AGBL4: variants seen among roughly 807,000 people sequenced by gnomAD.
AGBL4 encodes the protein AGBL carboxypeptidase 4.
Under a neutral mutation model 66.4 loss-of-function variants are expected in AGBL4, and 58 were observed. The ratio of observed to expected loss-of-function variants is 0.87; its 90% CI spans 0.71 to 1.09. The LOEUF (loss-of-function observed/expected upper bound fraction) is 1.09. AGBL4 is among the 50% of genes least tolerant of loss of function. AGBL4 has a pLI of 0.00. For missense variants in AGBL4, 579 were observed against 631.0 expected (o/e 0.92, Z 0.88); for synonymous variants, 234 against 222.9 (o/e 1.05, Z -0.44).
intron 6 of AGBL4, among the ~76,000 whole-genome samples, chr1:48,718,986 G>GT (rs1273126712): frequency 6.6e-6 from 1 of 152,172 alleles, no homozygotes; most frequent in African/African-American, 2.4e-5. Flanking sequence ...TGTACTGAAC[G>GT]TAATACATCA....
intron 3 of AGBL4, among the ~76,000 whole-genome samples, chr1:49,487,163 TA>T (rs1221047188): frequency 2.6e-5 from 4 of 152,014 alleles, no homozygotes; most frequent in Non-Finnish European, 4.4e-5. Flanking sequence ...CTCATTATGC[TA>T]TTGAGTTTTA....
At chr1:49,697,500 C>T in intron 2 of AGBL4, 63 bp from the exon 3 acceptor site, 4 of 1,280,450 alleles carry the variant, frequency 3.1e-6, no homozygotes, top group Non-Finnish European at 4.3e-6. Context: ...ATGGTACACA[C>T]ATTTAAATAT....
chr1:48,864,246 A>G (rs1647775728), intron 6 of AGBL4, among the ~76,000 whole-genome samples: 1 of 152,166 alleles, frequency 6.6e-6, no homozygotes, highest in Non-Finnish European at 1.5e-5. Context: ...ATACCATTTC[A>G]TGTTCATCAT....
At chr1:49,176,290 G>A (rs1646830116) in intron 4 of AGBL4, among the ~76,000 whole-genome samples, 1 of 152,104 alleles carries the variant, frequency 6.6e-6, no homozygotes, top group Non-Finnish European at 1.5e-5. Context: ...GTTGCAGTAA[G>A]GTAGGTAAAA....
chr1:48,591,037 A>G, intron 9 of AGBL4, 52 bp from the exon 10 acceptor site: 1 of 1,523,140 alleles, frequency 6.6e-7, no homozygotes. Flanking sequence ...GAGCTTGTGT[A>G]TAAGGGACCA....
chr1:48,722,224 T>A (rs1298019285), intron 6 of AGBL4, among the ~76,000 whole-genome samples: 2 of 152,066 alleles, frequency 1.3e-5, no homozygotes, highest in Non-Finnish European at 2.9e-5. Flanking sequence ...CCAGCTGAAA[T>A]GTTGGGCTGA....
At chr1:49,203,006 G>A (rs1647836346) in intron 4 of AGBL4, among the ~76,000 whole-genome samples, 1 of 150,168 alleles carries the variant, frequency 6.7e-6, no homozygotes, top group African/African-American at 2.4e-5. Context: ...ATAAAAAGAT[G>A]CTCAACATCA....
At chr1:49,445,854 A>G (rs900104653) in intron 3 of AGBL4, among the ~76,000 whole-genome samples, 3 of 151,664 alleles carry the variant, frequency 2.0e-5, no homozygotes, top group African/African-American at 7.3e-5. Context: ...TATTTTATTT[A>G]TTTATTTATT....
chr1:49,412,686 C>CTT (rs532723214), intron 3 of AGBL4, among the ~76,000 whole-genome samples: 11 of 152,092 alleles, frequency 7.2e-5, no homozygotes, highest in Non-Finnish European at 1.3e-4. Flanking sequence ...AGTTGAACTT[C>CTT]TTAAGAGTAT....
chr1:48,906,511 C>G (rs1366508844), intron 5 of AGBL4, among the ~76,000 whole-genome samples: 1 of 151,990 alleles, frequency 6.6e-6, no homozygotes, highest in African/African-American at 2.4e-5. Context: ...ATGGTTACGA[C>G]AAATTGGAAA....
At chr1:48,668,850 G>A (rs4378252) in intron 6 of AGBL4, among the ~76,000 whole-genome samples, 5,919 of 152,330 alleles carry the variant, frequency 0.039, 144 homozygotes, top group Non-Finnish European at 0.058. Context: ...CATTTATTGA[G>A]TATAATTTTA....
At chr1:49,145,100 A>T (rs1417529496) in intron 4 of AGBL4, among the ~76,000 whole-genome samples, 4 of 152,180 alleles carry the variant, frequency 2.6e-5, no homozygotes, top group Non-Finnish European at 5.9e-5. Context: ...GGAATCCAGG[A>T]TTTGACTAGA....
At chr1:49,950,073 T>C (rs12748831) in intron 1 of AGBL4, among the ~76,000 whole-genome samples, 2 of 141,756 alleles carry the variant, frequency 1.4e-5, no homozygotes, top group Non-Finnish European at 3.1e-5. Flanking sequence ...CACATATATA[T>C]ACACATATGT....
intron 2 of AGBL4, among the ~76,000 whole-genome samples, chr1:49,771,789 CTGATA>C (rs1334562727): frequency 2.6e-5 from 4 of 151,872 alleles, no homozygotes; most frequent in African/African-American, 9.7e-5. Flanking sequence ...TCGACTTTAT[CTGATA>C]TAAGTATGGC....
intron 4 of AGBL4, among the ~76,000 whole-genome samples, chr1:49,135,276 A>T (rs930646374): frequency 6.6e-6 from 1 of 152,178 alleles, no homozygotes; most frequent in African/African-American, 2.4e-5. Flanking sequence ...ATATGAAAAA[A>T]TTGTTTTAAA....
chr1:49,798,459 G>C (rs1644782326), intron 2 of AGBL4, among the ~76,000 whole-genome samples: 1 of 152,088 alleles, frequency 6.6e-6, no homozygotes, highest in African/African-American at 2.4e-5. Flanking sequence ...AATTTATCCA[G>C]TGGTATACAT....
At chr1:49,310,575 C>A (rs954639793) in intron 3 of AGBL4, among the ~76,000 whole-genome samples, 3 of 152,000 alleles carry the variant, frequency 2.0e-5, no homozygotes, top group Non-Finnish European at 2.9e-5. Flanking sequence ...CTCATATAAG[C>A]CTCTCTTTAA....
At chr1:49,971,907 G>GTTTTTTTTTTTTTTTTTTTTTTTTTTTT (rs745772850) in intron 1 of AGBL4, among the ~76,000 whole-genome samples, 3 of 23,428 alleles carry the variant, frequency 1.3e-4, no homozygotes, top group Non-Finnish European at 1.6e-4. Context: ...GTTTTTTTGG[G>GTTTTTTTTTTTTTTTTTTTTTTTTTTTT]TTTTTTTTTT....
intron 3 of AGBL4, among the ~76,000 whole-genome samples, chr1:49,253,620 GA>G (rs1652244869): frequency 6.6e-6 from 1 of 151,502 alleles, no homozygotes; most frequent in Admixed American, 6.6e-5. Context: ...CATTCCTACT[GA>G]AACTATTCCA....
Sources: allele counts gnomAD v4.1 joint callset (sites outside exome capture counted in the v4.1 genomes callset), GRCh38; gene constraint gnomAD v4.1.1; transcripts MANE v1.5; gene names NCBI Gene and HGNC (gene_info 2026-07-23, HGNC 2026-07-21).